GRIK2: variants seen among roughly 807,000 people sequenced by gnomAD.
The protein encoded by GRIK2 is glutamate ionotropic receptor kainate type subunit 2, also known as glutamate receptor ionotropic, kainate 2.
Under a neutral mutation model 100.3 loss-of-function variants are expected in GRIK2, and 32 were observed. That is an observed-to-expected ratio of 0.32 (90% CI 0.24 to 0.43). The LOEUF (loss-of-function observed/expected upper bound fraction) is 0.43. GRIK2 is among the 20% of genes least tolerant of loss of function. GRIK2 has a pLI of 1.00. For synonymous variants in GRIK2, 417 were observed against 389.4 expected, an observed-to-expected ratio of 1.07 and a Z score of -0.83; for missense variants, 843 against 1,114.9, an observed-to-expected ratio of 0.76 and a Z score of 3.47.
chr6:101,493,135 A>T (rs1773230659), intron 2 of GRIK2, among the ~76,000 whole-genome samples: 1 of 152,010 alleles, frequency 6.6e-6, no homozygotes, highest in Non-Finnish European at 1.5e-5. Context: ...TTAGATATAC[A>T]AATAGAATAA....
intron 14 of GRIK2, among the ~76,000 whole-genome samples, chr6:102,019,800 A>C (rs1769327804): frequency 6.6e-6 from 1 of 151,970 alleles, no homozygotes; most frequent in African/African-American, 2.4e-5. Flanking sequence ...AATCATCTTT[A>C]TATATCCCTT....
At chr6:101,504,489 G>C (rs577370708) in intron 2 of GRIK2, among the ~76,000 whole-genome samples, 5 of 151,660 alleles carry the variant, frequency 3.3e-5, no homozygotes, top group East Asian at 3.9e-4. Flanking sequence ...AAACTGAAAA[G>C]AAAATTTCCT....
intron 7 of GRIK2, among the ~76,000 whole-genome samples, chr6:101,761,871 CCCTTCCTTT>C (rs775232046): frequency 7.7e-5 from 10 of 129,984 alleles, no homozygotes; most frequent in Non-Finnish European, 1.4e-4. Flanking sequence ...CCTTTCCCCT[CCCTTCCTTT>C]CCTTCCTTCC....
At chr6:101,454,304 A>G (rs1460718519) in intron 2 of GRIK2, among the ~76,000 whole-genome samples, 2 of 152,162 alleles carry the variant, frequency 1.3e-5, no homozygotes, top group East Asian at 1.9e-4. Flanking sequence ...GTTTATAATC[A>G]TAGATTCTAG....
intron 2 of GRIK2, chr6:101,431,579 A>C (rs1019155473): frequency 2.0e-5 from 3 of 152,228 alleles, no homozygotes; most frequent in African/African-American, 7.2e-5. Flanking sequence ...AGTGAAAAAA[A>C]AGGAAGGTGT....
At chr6:101,455,640 T>G (rs1482357614) in intron 2 of GRIK2, among the ~76,000 whole-genome samples, 1 of 152,056 alleles carries the variant, frequency 6.6e-6, no homozygotes, top group Non-Finnish European at 1.5e-5. Context: ...GAGTGTCCAG[T>G]AATTTTTCTG....
intron 7 of GRIK2, among the ~76,000 whole-genome samples, chr6:101,704,170 C>A (rs759433117): frequency 6.6e-5 from 10 of 151,686 alleles, no homozygotes; most frequent in Non-Finnish European, 1.3e-4. Flanking sequence ...ACAGTTAAGT[C>A]AGCAAATAGT....
chr6:101,886,467 ATTTTT>A (rs1786626283), intron 11 of GRIK2, among the ~76,000 whole-genome samples: 1 of 151,944 alleles, frequency 6.6e-6, no homozygotes, highest in African/African-American at 2.4e-5. Context: ...TTGGAATAGA[ATTTTT>A]ATTTTAAGCA....
At chr6:101,673,826 C>T (rs975004280) in intron 4 of GRIK2, among the ~76,000 whole-genome samples, 5 of 152,148 alleles carry the variant, frequency 3.3e-5, no homozygotes, top group African/African-American at 1.2e-4. Context: ...GTATTGTATG[C>T]ACAGAAACTT....
intron 7 of GRIK2, among the ~76,000 whole-genome samples, chr6:101,712,623 A>C (rs1773795799): frequency 6.6e-6 from 1 of 151,792 alleles, no homozygotes; most frequent in Non-Finnish European, 1.5e-5. Context: ...ATTTAAAACT[A>C]TCCAAATACT....
At chr6:101,750,094 C>A (rs919644920) in intron 7 of GRIK2, among the ~76,000 whole-genome samples, 6 of 151,718 alleles carry the variant, frequency 4.0e-5, no homozygotes, top group Non-Finnish European at 5.9e-5. Flanking sequence ...GGATTATAGG[C>A]ATGAGCCACT....
chr6:101,615,165 GCCT>G (rs1400736172), intron 2 of GRIK2, among the ~76,000 whole-genome samples: 8 of 151,618 alleles, frequency 5.3e-5, no homozygotes, highest in Non-Finnish European at 1.2e-4. Context: ...CTTTTAACAA[GCCT>G]TTTGTAGTGA....
At position 101,450,785 on chromosome 6, in the gene GRIK2, A is replaced by G. The variant is rs148333011; in HGVS notation, c.115+51393A>G. ...AATAAAATAGAGAAGTAAAGAAAAG[A>G]AGGAAAAAGGTAGGAGAGAGGAAGA... On this transcript the variant is annotated intron_variant, in intron 2 of 16. Coordinates refer to ENST00000369134, the MANE Select transcript of GRIK2 (RefSeq NM_021956.5). Among the ~76,000 whole-genome samples, 352 of 152,024 alleles carry G rather than the reference A, an allele frequency of 2.3e-3. 2 individuals are homozygous for G. Among genetic ancestry groups the G allele is most frequent in the Non-Finnish European group, 4.0e-3 (274 of 67,822 alleles).
At chr6:101,914,358 C>T (rs1270025259) in intron 12 of GRIK2, among the ~76,000 whole-genome samples, 1 of 151,146 alleles carries the variant, frequency 6.6e-6, no homozygotes, top group Non-Finnish European at 1.5e-5. Flanking sequence ...ATAGCATTAC[C>T]CCCAGTTACA....
At chr6:101,870,957 A>G (rs1320089411) in intron 11 of GRIK2, among the ~76,000 whole-genome samples, 1 of 151,894 alleles carries the variant, frequency 6.6e-6, no homozygotes, top group Admixed American at 6.6e-5. Flanking sequence ...AAGAAGTTTT[A>G]TCTTTAAATC....
chr6:101,501,250 GA>G (rs1486622969), intron 2 of GRIK2, among the ~76,000 whole-genome samples: 1 of 152,122 alleles, frequency 6.6e-6, no homozygotes, highest in Non-Finnish European at 1.5e-5. Context: ...TAAATAGGGA[GA>G]ACTTTTCTAA....
In GRIK2 at chr6:101,491,932, G is replaced by A. The variant is rs148648856; in HGVS notation, c.115+92540G>A. 7.4e-4 allele frequency among the ~76,000 whole-genome samples: 112 copies of A among 151,722 alleles called. 2 individuals carry two copies. The East Asian group carries it at 0.017, about 23-fold the overall frequency. ...ATACATATATATATATTACATGTAT[G>A]TATGTATTAGGTATAGCTTAAACTT... On this transcript the variant is annotated intron_variant, in intron 2 of 16. Coordinates refer to ENST00000369134, the MANE Select transcript of GRIK2 (RefSeq NM_021956.5).
chr6:101,753,019 G>T (rs1195413208), intron 7 of GRIK2, among the ~76,000 whole-genome samples: 4 of 152,118 alleles, frequency 2.6e-5, no homozygotes, highest in African/African-American at 9.7e-5. Context: ...GACGGGCTGG[G>T]CGCGGTGGCT....
intron 14 of GRIK2, among the ~76,000 whole-genome samples, chr6:102,005,003 T>A (rs1562103966): frequency 6.6e-6 from 1 of 151,942 alleles, no homozygotes; most frequent in Non-Finnish European, 1.5e-5. Context: ...CAGTAGCCTA[T>A]ATTTATTAAT....
Sources: allele counts gnomAD v4.1 joint callset (sites outside exome capture counted in the v4.1 genomes callset), GRCh38; gene constraint gnomAD v4.1.1; transcripts MANE v1.5; gene names NCBI Gene and HGNC (gene_info 2026-07-23, HGNC 2026-07-21).